IQCK: variants seen among roughly 807,000 people sequenced by gnomAD.
The protein encoded by IQCK is IQ domain-containing protein K.
A neutral mutation model predicts 28.1 loss-of-function variants in IQCK; 29 were observed. The observed-to-expected ratio is 1.03, with a 90% CI of 0.77 to 1.41. The LOEUF (loss-of-function observed/expected upper bound fraction) is 1.41. IQCK is among the 40% of genes most tolerant of loss of function. The pLI, the probability that IQCK is intolerant of heterozygous loss-of-function variation, is 0.00. For synonymous variants in IQCK, 113 were observed against 115.1 expected (o/e 0.98, Z 0.12); for missense variants, 359 against 314.7 (o/e 1.14, Z -1.07).
intron 4 of IQCK, among the ~76,000 whole-genome samples, chr16:19,751,486 A>G (rs1176201850): frequency 6.6e-6 from 1 of 152,180 alleles, no homozygotes; most frequent in Admixed American, 6.5e-5. Flanking sequence ...TTTAAAAAAG[A>G]TAAATAAATA....
At chr16:19,829,955 G>A (rs761216608), downstream of IQCK, among the ~76,000 whole-genome samples, 1 of 152,148 alleles carries the variant, frequency 6.6e-6, no homozygotes, top group Non-Finnish European at 1.5e-5. Context: ...GTGTCTGCCT[G>A]GCTTAACTCC....
chr16:19,782,287 G>A (rs2055496168), intron 6 of IQCK, among the ~76,000 whole-genome samples: 1 of 151,890 alleles, frequency 6.6e-6, no homozygotes, highest in African/African-American at 2.4e-5. Context: ...TCAGGAGGCT[G>A]AGGCAGGAGA....
chr16:19,841,445 G>A (rs1445569217), intron 9 of IQCK, among the ~76,000 whole-genome samples: 1 of 152,148 alleles, frequency 6.6e-6, no homozygotes, highest in Admixed American at 6.6e-5. Context: ...ATAGTAGAAA[G>A]AGTCCTAGGC....
intron 4 of IQCK, chr16:19,761,160 A>G (rs1415076438): frequency 3.2e-6 from 1 of 309,796 alleles, no homozygotes; most frequent in Middle Eastern, 1.2e-3. Context: ...GCAGCCCAAT[A>G]GGTCTCAGCC....
intron 1 of IQCK, among the ~76,000 whole-genome samples, chr16:19,724,556 T>C (rs532174167): frequency 1.1e-4 from 16 of 152,088 alleles, no homozygotes; most frequent in Non-Finnish European, 2.1e-4. Flanking sequence ...TGAGTCAGAG[T>C]CTGGCTCTGT....
chr16:19,762,852 C>CA (rs2055168770), intron 4 of IQCK, among the ~76,000 whole-genome samples: 1 of 152,054 alleles, frequency 6.6e-6, no homozygotes, highest in Admixed American at 6.6e-5. Context: ...CCCATCTCTA[C>CA]AAAAAATACA....
At chr16:19,773,617 T>C (rs1419543219) in intron 6 of IQCK, among the ~76,000 whole-genome samples, 1 of 152,180 alleles carries the variant, frequency 6.6e-6, no homozygotes, top group African/African-American at 2.4e-5. Context: ...AGCTGTGTCA[T>C]GAAAGCAGCC....
chr16:19,771,705 T>G (rs537123503), intron 6 of IQCK, among the ~76,000 whole-genome samples: 1 of 152,178 alleles, frequency 6.6e-6, no homozygotes. Context: ...TATCTCCATA[T>G]GTATATAGAT....
chr16:19,775,392 TTCTG>T (rs902342991), intron 6 of IQCK, among the ~76,000 whole-genome samples: 1 of 152,166 alleles, frequency 6.6e-6, no homozygotes, highest in Admixed American at 6.5e-5. Context: ...AACTACTTCC[TTCTG>T]TCTGTCTGTC....
At chr16:19,814,751 G>C (rs184142998) in intron 7 of IQCK, among the ~76,000 whole-genome samples, 21 of 147,176 alleles carry the variant, frequency 1.4e-4, no homozygotes, top group Admixed American at 1.2e-3. Flanking sequence ...GAGATAAATA[G>C]ACAAAAGGCC....
intron 1 of IQCK, among the ~76,000 whole-genome samples, chr16:19,729,235 G>A (rs947985797): frequency 3.3e-5 from 5 of 152,178 alleles, no homozygotes; most frequent in Admixed American, 3.3e-4. Flanking sequence ...AGCCTCCTGA[G>A]TAGCTGGGAT....
At chr16:19,806,613 C>T (rs934029357) in intron 7 of IQCK, among the ~76,000 whole-genome samples, 7 of 151,840 alleles carry the variant, frequency 4.6e-5, no homozygotes, top group Non-Finnish European at 7.4e-5. Flanking sequence ...GGCTTGAGCC[C>T]GGGAGGCAGA....
rs923634233 is a variant in IQCK, at chr16:19,744,780, G to C, written c.474+9330G>C. Among the ~76,000 whole-genome samples the C allele has an allele frequency of 5.9e-5, 9 of 152,300 alleles. No homozygotes were observed. The South Asian group carries it at 1.9e-3, about 32-fold the overall frequency. ...CTAGTTTTGCTGTGAAATTAGCTGG[G>C]TGCTAGCAGTATTTTATATTGTGTT... On this transcript the variant is annotated intron_variant, in intron 4 of 7. Coordinates refer to ENST00000564186, the Ensembl canonical transcript of IQCK.
At chr16:19,727,393 C>T (rs958416400) in intron 1 of IQCK, among the ~76,000 whole-genome samples, 3 of 152,138 alleles carry the variant, frequency 2.0e-5, no homozygotes, top group Admixed American at 2.0e-4. Context: ...TCGAGACCAG[C>T]CTGGGCAACA....
intron 6 of IQCK, among the ~76,000 whole-genome samples, chr16:19,781,312 G>A (rs2055480706): frequency 6.6e-6 from 1 of 152,104 alleles, no homozygotes; most frequent in Admixed American, 6.6e-5. Context: ...CTTGCACTTC[G>A]CTGCTTGGCG....
intron 1 of IQCK, 89 bp downstream of exon 1, chr16:19,718,576 C>G: frequency 8.0e-7 from 1 of 1,249,536 alleles, no homozygotes; most frequent in Non-Finnish European, 1.0e-6. Flanking sequence ...CGCCTGTCGG[C>G]TGACGGGCGG....
At chr16:19,847,323 CTATTT>C (rs1261057023) in intron 9 of IQCK, among the ~76,000 whole-genome samples, 1 of 146,176 alleles carries the variant, frequency 6.8e-6, no homozygotes, top group Non-Finnish European at 1.5e-5. Context: ...CCCATTGTTC[CTATTT>C]TATTTTTTGT....
chr16:19,821,779 A>T (rs935457150), intron 7 of IQCK, among the ~76,000 whole-genome samples: 1 of 152,124 alleles, frequency 6.6e-6, no homozygotes, highest in Non-Finnish European at 1.5e-5. Context: ...AACAACTTAA[A>T]TGTTCCATTA....
intron 1 of IQCK, among the ~76,000 whole-genome samples, chr16:19,719,874 T>C (rs1977432923): frequency 6.6e-6 from 1 of 151,730 alleles, no homozygotes; most frequent in African/African-American, 2.4e-5. Flanking sequence ...GGTTTCACCA[T>C]TTTGGCCAGG....
Sources: allele counts gnomAD v4.1 joint callset (sites outside exome capture counted in the v4.1 genomes callset), GRCh38; gene constraint gnomAD v4.1.1; transcripts MANE v1.5; gene names NCBI Gene and HGNC (gene_info 2026-07-23, HGNC 2026-07-21).